MYO18B: variants seen among roughly 807,000 people sequenced by gnomAD.
The protein encoded by MYO18B is unconventional myosin-XVIIIb.
Under a neutral mutation model 273.0 loss-of-function variants are expected in MYO18B, and 204 were observed. The observed-to-expected ratio is 0.75, with a 90% CI of 0.67 to 0.84. MYO18B has a LOEUF of 0.84. Among genes scored for constraint, MYO18B ranks in the 40% least tolerant of loss-of-function variants. The probability of loss-of-function intolerance (pLI) is 0.00; values close to 1 mark genes in which losing one functional copy is unlikely to be tolerated. For missense variants in MYO18B, 3,212 were observed against 3,287.6 expected, an observed-to-expected ratio of 0.98 and a Z score of 0.56; for synonymous variants, 1,330 against 1,305.7, an observed-to-expected ratio of 1.02 and a Z score of -0.40.
intron 42 of MYO18B, among the ~76,000 whole-genome samples, chr22:26,024,806 T>C (rs947347715): frequency 6.6e-6 from 1 of 152,208 alleles, no homozygotes; most frequent in Non-Finnish European, 1.5e-5. Context: ...AGGGTCTAGG[T>C]GCCTGTCTCA....
intron 30 of MYO18B, chr22:25,903,044 A>G (rs909498850): frequency 6.5e-6 from 2 of 305,838 alleles, no homozygotes; most frequent in African/African-American, 2.2e-5. Flanking sequence ...TCCAGGAGCA[A>G]TGTCCTGGTC....
intron 34 of MYO18B, among the ~76,000 whole-genome samples, chr22:25,942,535 T>G (rs2092656453): frequency 6.6e-6 from 1 of 152,166 alleles, no homozygotes; most frequent in African/African-American, 2.4e-5. Flanking sequence ...GCAGTGAAGC[T>G]CAGTAGTTAA....
intron 42 of MYO18B, among the ~76,000 whole-genome samples, chr22:26,008,505 T>G (rs1210668509): frequency 6.6e-6 from 1 of 152,212 alleles, no homozygotes; most frequent in African/African-American, 2.4e-5. Flanking sequence ...AGCAGTCTTC[T>G]GCCAACAAAA....
intron 11 of MYO18B, among the ~76,000 whole-genome samples, chr22:25,787,272 G>GCGCGCACACACACACACA (rs1482737296): frequency 6.6e-5 from 9 of 136,714 alleles, no homozygotes; most frequent in South Asian, 2.9e-4. Context: ...GCAGGCGCGC[G>GCGCGCACACACACACACA]CACACACACA....
chr22:25,875,511 C>T (rs6004808), intron 23 of MYO18B, among the ~76,000 whole-genome samples: 4 of 151,902 alleles, frequency 2.6e-5, no homozygotes, highest in African/African-American at 9.7e-5. Flanking sequence ...CTGGTCCCCC[C>T]CCCAGTGATA....
intron 21 of MYO18B, among the ~76,000 whole-genome samples, chr22:25,863,047 C>T (rs1438660373): frequency 2.6e-5 from 4 of 152,090 alleles, no homozygotes; most frequent in African/African-American, 9.7e-5. Context: ...TTCTATTGAT[C>T]TATTTTCAAG....
In MYO18B at chr22:26,021,116, G is replaced by A. The variant is rs114964102; in HGVS notation, c.6471-5329G>A. 1.8e-3 allele frequency among the ~76,000 whole-genome samples: 267 copies of A among 152,214 alleles called. 1 individual carries two copies. The highest frequency in any genetic ancestry group is 6.0e-3 in the African/African-American group (251 of 41,542). ...AAAATAAAGAAAAGAAAAAATACCT[G>A]GCTTGGAATAGACAGAGCTGGGATT... is the stretch of plus-strand genomic sequence containing the variant. On this transcript the variant is annotated intron_variant, in intron 42 of 43. Coordinates refer to ENST00000335473, the MANE Select transcript of MYO18B (RefSeq NM_032608.7).
In MYO18B at chr22:25,959,259, A is replaced by G. The variant is rs893724097; in HGVS notation, c.6156+3895A>G. 7 of 136,620 alleles carry G rather than the reference A, an allele frequency of 5.1e-5. No homozygotes were observed. The East Asian group carries it at 1.5e-3, about 29-fold the overall frequency. 8.5% of individuals were successfully genotyped at this position (136,620 alleles called of 1,614,324 possible). On this transcript the variant is annotated intron_variant, in intron 39 of 43. Transcript: ENST00000335473. ...CTTTGGGCAAAGTATTGCCTTCTCCATCTTCCTTTTTTTTTTTTTTTTTTT... is the reference window on the plus strand; with the variant it reads ...CTTTGGGCAAAGTATTGCCTTCTCCGTCTTCCTTTTTTTTTTTTTTTTTTT...
chr22:25,824,406 GC>G (rs1468206455), intron 13 of MYO18B, among the ~76,000 whole-genome samples: 2 of 152,114 alleles, frequency 1.3e-5, no homozygotes, highest in Non-Finnish European at 2.9e-5. Flanking sequence ...TAGGATTTTG[GC>G]CCCAGCAGCT....
In MYO18B at chr22:25,876,042, GTGTA is replaced by G. The variant is rs765913125; in HGVS notation, c.4081-143_4081-140del. ...TGTGTGTGTGTGTGTGTGTGTGTGT[GTGTA>G]TGTGTTTTAAGGTATCCAGTCCCTT... is the stretch of plus-strand genomic sequence containing the variant. On this transcript the variant is annotated intron_variant, in intron 23 of 43. Coordinates refer to ENST00000335473, the MANE Select transcript of MYO18B (RefSeq NM_032608.7). 7.7e-3 allele frequency: 3,449 copies of G among 445,832 alleles called. 80 individuals carry two copies. Among genetic ancestry groups the G allele is most frequent in the African/African-American group, 0.049 (1,499 of 30,364 alleles). The allele number at this position is 445,832 out of a possible 1,614,324, so 27.6% of individuals were successfully genotyped here.
Position 25,945,623 on chromosome 22 carries a change from G to A in MYO18B, c.5518-514G>A, listed in dbSNP as rs116416036. Among the ~76,000 whole-genome samples, 976 of 151,946 alleles carry A rather than the reference G, an allele frequency of 6.4e-3. 14 individuals are homozygous for A. Among genetic ancestry groups the A allele is most frequent in the African/African-American group, 0.022 (931 of 41,398 alleles). On this transcript the variant is annotated intron_variant, in intron 34 of 43. Transcript: ENST00000335473. ...CTGTATATTAATCCCATGCCTGGGA[G>A]GGGCTGGGCTGAGCTAGAGGGGAAG...
intron 5 of MYO18B, 66 bp downstream of exon 5, chr22:25,770,242 C>A: frequency 5.3e-6 from 8 of 1,495,630 alleles, no homozygotes; most frequent in Non-Finnish European, 7.4e-6. Context: ...CTGCTGCCAG[C>A]CATATGTTCC....
chr22:25,838,170 T>C (rs1444006183), intron 17 of MYO18B, among the ~76,000 whole-genome samples: 1 of 150,604 alleles, frequency 6.6e-6, no homozygotes, highest in Non-Finnish European at 1.5e-5. Flanking sequence ...AATATATATA[T>C]AAATATATGT....
At chr22:25,995,304 G>A (rs1023425979) in intron 40 of MYO18B, among the ~76,000 whole-genome samples, 2 of 152,188 alleles carry the variant, frequency 1.3e-5, no homozygotes, top group Non-Finnish European at 2.9e-5. Flanking sequence ...AATGTAGTTA[G>A]AATGAATGAA....
At chr22:25,871,637 A>C (rs1054810903) in intron 22 of MYO18B, among the ~76,000 whole-genome samples, 1 of 152,176 alleles carries the variant, frequency 6.6e-6, no homozygotes, top group Non-Finnish European at 1.5e-5. Context: ...TGCTGGACCC[A>C]TGAAAAGCAA....
At chr22:26,056,930 C>T in the MYO18B span, among the ~76,000 whole-genome samples, 55 of 152,178 alleles carry the variant, frequency 3.6e-4, no homozygotes, top group Non-Finnish European at 6.5e-4. Flanking sequence ...ATTGGCCCGA[C>T]AGGGGACGTG....
At chr22:25,870,972 A>C (rs2301492) in intron 22 of MYO18B, among the ~76,000 whole-genome samples, 107,293 of 152,086 alleles carry the variant, frequency 0.71, 38,131 homozygotes, top group East Asian at 0.86. Flanking sequence ...ACACCTAAAC[A>C]TTCAGATAAT....
Position 25,787,272 on chromosome 22 carries a change from G to GCACACACACACACA in MYO18B, c.2376+1806_2376+1819dup, listed in dbSNP as rs10598069. The stretch of plus-strand genomic sequence containing the variant: ...TAAGCCTGTGTGCGTGCAGGCGCGC[G>GCACACACACACACA]CACACACACACACACACACACACAC... On this transcript the variant is annotated intron_variant, in intron 11 of 43. Transcript: ENST00000335473. Among the ~76,000 whole-genome samples the GCACACACACACACA allele has an allele frequency of 7.3e-5, 10 of 136,712 alleles. No homozygotes were observed. The South Asian group carries it at 2.3e-3, about 31-fold the overall frequency. 89.7% of individuals were successfully genotyped at this position (136,712 alleles called of 152,430 possible). A position where few individuals can be genotyped will look rare whatever the true frequency, so the allele number is the denominator to read the frequency against.
chr22:25,898,374 A>G lies in MYO18B; in HGVS notation c.4736A>G (p.His1579Arg). The change falls in exon 29 of 44, where the codon CAC (histidine) becomes CGC (arginine). Residue 1579 changes from histidine to arginine, a missense_variant. Physicochemically the swap from His to Arg is conservative, Grantham distance 29 (BLOSUM62 0). Coordinates refer to ENST00000335473, the MANE Select transcript of MYO18B (RefSeq NM_032608.7). ...KMAHQLKRKC[H>R]HLTCDLEDTC... ...GCTCACCAACTGAAGAGGAAGTGCC[A>G]CCATCTTACCTGTGACCTTGAGGAT... 1.9e-6 allele frequency: 3 copies of G among 1,613,940 alleles called. No homozygotes were observed. The highest frequency in any genetic ancestry group is 2.5e-6 in the Non-Finnish European group (3 of 1,179,860).
Sources: gnomAD v4.1 joint callset for allele counts (sites outside exome capture counted in the v4.1 genomes callset) on GRCh38, gnomAD v4.1.1 for gene constraint, MANE v1.5 for transcripts, NCBI Gene and HGNC (gene_info 2026-07-23, HGNC 2026-07-21) for gene names.